Variants in ADAMTS7 observed in about 807,000 individuals in gnomAD.
ADAMTS7 encodes the protein A disintegrin and metalloproteinase with thrombospondin motifs 7.
Under a neutral mutation model 172.6 loss-of-function variants are expected in ADAMTS7, and 89 were observed. That is an observed-to-expected ratio of 0.52 (90% CI 0.43 to 0.61). The LOEUF is 0.61. ADAMTS7 is among the 20% of genes least tolerant of loss of function. ADAMTS7 has a pLI of 0.00. For synonymous variants in ADAMTS7, 885 were observed against 978.4 expected (o/e 0.90, Z 1.78); for missense variants, 1,973 against 2,355.6 (o/e 0.84, Z 3.36).
At chr15:78,774,460 C>T in intron 12 of ADAMTS7, among the ~76,000 whole-genome samples, 160 bp from the exon 13 acceptor site, 1 of 152,208 alleles carries the variant, frequency 6.6e-6, no homozygotes, top group South Asian at 2.1e-4. Context: ...ATCTGCAAGG[C>T]TGCAGACTGG....
chr15:78,764,164 GGT>G lies in ADAMTS7; in HGVS notation c.4420-67_4420-66del, dbSNP rs2055099940. On this transcript the variant is annotated intron_variant, in intron 20 of 23. Transcript: ENST00000388820. ...CAGGCCCACAGGCGTGACCCCGTGA[GGT>G]GTGTGGCGGGAAAGGCATCCAGGCC... 2.8e-6 allele frequency: 4 copies of G among 1,431,340 alleles called. No individual in the cohort carries two copies. In the Admixed American group the frequency reaches 1.1e-4, roughly 41 times the overall value. 88.7% of individuals were successfully genotyped at this position (1,431,340 alleles called of 1,614,324 possible).
chr15:78,772,882 G>T lies in ADAMTS7; in HGVS notation c.2131+201C>A, dbSNP rs556883760. ...CTATCTGGGGTGTCTGGGACAGGAGGACTCCCCATGGGGACAGGTCTCTGC... is the reference window on the plus strand; with the variant it reads ...CTATCTGGGGTGTCTGGGACAGGAGTACTCCCCATGGGGACAGGTCTCTGC... On this transcript the variant is annotated intron_variant, in intron 14 of 23. Coordinates refer to ENST00000388820, the MANE Select transcript of ADAMTS7 (RefSeq NM_014272.5). 3.9e-5 allele frequency among the ~76,000 whole-genome samples: 6 copies of T among 152,358 alleles called. No homozygotes were observed. The South Asian group carries it at 1.2e-3, about 32-fold the overall frequency.
rs1429912580 is a variant in ADAMTS7 at position 78,760,803 on chromosome 15, C to T, written c.4904-1225G>A. 3.9e-5 allele frequency among the ~76,000 whole-genome samples: 6 copies of T among 152,142 alleles called. No homozygotes were observed. The East Asian group carries it at 5.8e-4, about 15-fold the overall frequency. On this transcript the variant is annotated intron_variant, in intron 23 of 23. Coordinates refer to ENST00000388820, the MANE Select transcript of ADAMTS7 (RefSeq NM_014272.5). ...ATGGCAGAAAACTCCTCACTTAGGA[C>T]AGCTTCTAGTTCAGCCACCTAACCA...
intron 1 of ADAMTS7, among the ~76,000 whole-genome samples, chr15:78,809,899 C>A (rs1403521307): frequency 6.6e-6 from 1 of 152,256 alleles, no homozygotes. Context: ...AAATAAGAAC[C>A]CGTGAGGCTG....
rs1391116092 is a variant in ADAMTS7 at position 78,797,950 on chromosome 15, T to C, written c.620A>G (p.Gln207Arg). ...DSSAPSTCGV[Q>R]VYPELESRRE... ...GAACTGGGAGCAGAAGAGCATACCTTGCACTCCACAGGTGCTTGGAGCACT... is the reference window on the plus strand; with the variant it reads ...GAACTGGGAGCAGAAGAGCATACCTCGCACTCCACAGGTGCTTGGAGCACT... Residue 207 changes from glutamine (Q) to arginine (R), a missense_variant and splice_region_variant, in exon 3 of 24, where the codon CAA becomes CGA. Gln to Arg is a conservative substitution (Grantham distance 43). Transcript: ENST00000388820. The C allele has an allele frequency of 6.3e-7, 1 of 1,598,606 alleles. No individual in the cohort carries two copies.
Position 78,763,999 on chromosome 15 carries a change from G to A in ADAMTS7, c.4520C>T (p.Pro1507Leu). 6.5e-7 allele frequency: 1 copy of A among 1,543,914 alleles called. No homozygotes were observed. Among genetic ancestry groups the A allele is most frequent in the Non-Finnish European group, 8.7e-7 (1 of 1,143,694 alleles). ...PLRPFHCQPG[P>L]AKPPAHRPCG... is the part of the protein sequence containing the mutation. ...GGGCCGGTGCGCAGGCGGCTTGGCA[G>A]GCCCGGGCTGACAATGGAAGGGCCG... Residue 1507 changes from proline (P) to leucine (L), a missense_variant, in exon 21 of 24, where the codon CCT becomes CTT. Transcript: ENST00000388820.
chr15:78,778,487 C>G (rs377404106), intron 8 of ADAMTS7, among the ~76,000 whole-genome samples: 3 of 152,244 alleles, frequency 2.0e-5, no homozygotes, highest in Admixed American at 6.5e-5. Context: ...CAGGAGTGCC[C>G]TGGCATGCTG....
intron 8 of ADAMTS7, among the ~76,000 whole-genome samples, chr15:78,780,854 GC>G (rs1189519815): frequency 1.3e-5 from 2 of 151,844 alleles, no homozygotes; most frequent in African/African-American, 2.4e-5. Context: ...GGGCTTGGTG[GC>G]CCTCTCCCCA....
chr15:78,764,374 C>T (rs1285373963), intron 20 of ADAMTS7, among the ~76,000 whole-genome samples, 181 bp downstream of exon 20: 1 of 152,236 alleles, frequency 6.6e-6, no homozygotes, highest in Non-Finnish European at 1.5e-5. Context: ...GGAAAGGAGA[C>T]AGGCCAAGCC....
chr15:78,786,352 A>G (rs538664941), intron 8 of ADAMTS7, among the ~76,000 whole-genome samples: 1 of 152,334 alleles, frequency 6.6e-6, no homozygotes, highest in South Asian at 2.1e-4. Context: ...ACTTTGGTCC[A>G]TGAGCTCAGA....
intron 8 of ADAMTS7, among the ~76,000 whole-genome samples, chr15:78,785,460 A>G (rs2055488515): frequency 6.6e-6 from 1 of 151,050 alleles, no homozygotes; most frequent in South Asian, 2.1e-4. Context: ...GAGGCATGAG[A>G]CTCACTTGAA....
intron 7 of ADAMTS7, 72 bp from the exon 8 acceptor site, chr15:78,788,446 C>T: frequency 6.4e-7 from 1 of 1,573,612 alleles, no homozygotes; most frequent in Non-Finnish European, 8.6e-7. Context: ...CCCTGGACAC[C>T]CACAAGGTGC....
Position 78,764,511 on chromosome 15 carries a change from C to A in ADAMTS7, c.4419+44G>T, listed in dbSNP as rs761452968. On this transcript the variant is annotated intron_variant, in intron 20 of 23. Transcript: ENST00000388820. The stretch of plus-strand genomic sequence containing the variant: ...CAGGCCGTGGGGAACCAGGGCTCCA[C>A]CCCATGCCCTGGGAATGCCTGTCCT... The A allele has an allele frequency of 2.0e-6, 3 of 1,520,534 alleles. No individual in the cohort carries two copies. In the East Asian group the frequency reaches 7.4e-5, roughly 37 times the overall value. 94.2% of individuals were successfully genotyped at this position (1,520,534 alleles called of 1,614,324 possible).
chr15:78,774,634 C>A lies in ADAMTS7; in HGVS notation c.1866G>T (p.Val622=), dbSNP rs372145237. 4 of 1,611,770 alleles carry A rather than the reference C, an allele frequency of 2.5e-6. No homozygotes were observed. The East Asian group carries it at 6.7e-5, about 27-fold the overall frequency. Residue 622 remains valine (V), a synonymous_variant, in exon 12 of 24, where the codon GTG becomes GTT. Transcript: ENST00000388820. Reference sequence around the variant, plus strand: ...GGGGGCAGCACTCACCGTCATTGACCACGGGCACCCATGTGTGCAGCTGGC... The same window carrying A: ...GGGGGCAGCACTCACCGTCATTGACAACGGGCACCCATGTGTGCAGCTGGC... ...YKGQLHTWVP[V]VNDVNPCELH...
chr15:78,761,761 C>T (rs571131609), intron 23 of ADAMTS7, among the ~76,000 whole-genome samples: 27 of 151,836 alleles, frequency 1.8e-4, no homozygotes, highest in African/African-American at 3.9e-4. Context: ...TGTGTGTGTG[C>T]GCGCACGCAC....
chr15:78,810,102 G>A (rs1291287786), intron 1 of ADAMTS7, among the ~76,000 whole-genome samples: 2 of 152,170 alleles, frequency 1.3e-5, no homozygotes, highest in Non-Finnish European at 2.9e-5. Flanking sequence ...CAGTGGGGAG[G>A]CAGGTCGACC....
chr15:78,779,767 C>T (rs1462521790), intron 8 of ADAMTS7, among the ~76,000 whole-genome samples: 1 of 152,148 alleles, frequency 6.6e-6, no homozygotes, highest in Non-Finnish European at 1.5e-5. Flanking sequence ...GGGTCCAATG[C>T]ACCTCATCCC....
rs2055192919 is a variant in ADAMTS7 at position 78,768,251 on chromosome 15, T to G, written c.2527A>C (p.Arg843=). Residue 843 remains arginine (R), a synonymous_variant, in exon 17 of 24, where the codon AGG becomes CGG. Coordinates refer to ENST00000388820, the MANE Select transcript of ADAMTS7 (RefSeq NM_014272.5). ...CGCTCCAAGCAGTACACATTCTGCC[T>G]CTGCACACCTAGGGGCCACGGGGCT... ...CTVTCGRGVQ[R]QNVYCLERQA... is the part of the protein sequence containing the mutation. The G allele has an allele frequency of 6.2e-7, 1 of 1,610,630 alleles. No individual in the cohort carries two copies. The highest frequency in any genetic ancestry group is 8.5e-7 in the Non-Finnish European group (1 of 1,179,614).
intron 3 of ADAMTS7, among the ~76,000 whole-genome samples, chr15:78,797,259 C>T (rs1309434656): frequency 6.6e-6 from 1 of 152,238 alleles, no homozygotes; most frequent in East Asian, 1.9e-4. Context: ...TGGGCCTGCT[C>T]CCCTGACCCA....
Sources: allele counts gnomAD v4.1 joint callset (sites outside exome capture counted in the v4.1 genomes callset), GRCh38; gene constraint gnomAD v4.1.1; transcripts MANE v1.5; gene names NCBI Gene and HGNC (gene_info 2026-07-23, HGNC 2026-07-21).